The following GLIS3 variants were observed in gnomAD, a reference collection of about 807,000 sequenced individuals.
GLIS3 encodes the protein zinc finger protein GLIS3.
Under a neutral mutation model 78.6 loss-of-function variants are expected in GLIS3, and 53 were observed. That is an observed-to-expected ratio of 0.67 (90% CI 0.54 to 0.85). The LOEUF (loss-of-function observed/expected upper bound fraction) is 0.85. Among genes scored for constraint, GLIS3 ranks in the 40% least tolerant of loss-of-function variants. The pLI is 0.00. For missense variants in GLIS3, 1,703 were observed against 1,231.1 expected, an observed-to-expected ratio of 1.38 and a Z score of -5.74; for synonymous variants, 684 against 509.9, an observed-to-expected ratio of 1.34 and a Z score of -4.60.
At chr9:4,421,018 T>G in the GLIS3 span, among the ~76,000 whole-genome samples, 1 of 152,244 alleles carries the variant, frequency 6.6e-6, no homozygotes, top group African/African-American at 2.4e-5. Flanking sequence ...GCACGTTCGC[T>G]TCTGCACTGC....
intron 8 of GLIS3, among the ~76,000 whole-genome samples, chr9:3,867,016 C>T (rs184470865): frequency 6.6e-6 from 1 of 152,142 alleles, no homozygotes; most frequent in East Asian, 1.9e-4. Context: ...GAAGATAGAG[C>T]CAACAGGACC....
intron 2 of GLIS3, among the ~76,000 whole-genome samples, chr9:4,126,777 C>T (rs920895770): frequency 6.6e-6 from 1 of 152,176 alleles, no homozygotes; most frequent in African/African-American, 2.4e-5. Flanking sequence ...TGCACTTTTT[C>T]AAACTTTTTT....
intron 2 of GLIS3, among the ~76,000 whole-genome samples, chr9:4,206,176 T>C (rs1261913823): frequency 6.6e-6 from 1 of 152,166 alleles, no homozygotes; most frequent in Non-Finnish European, 1.5e-5. Flanking sequence ...CAGAACTATC[T>C]GGAAAGGGAA....
chr9:4,267,944 C>CGTGTGTGTGTGTGT (rs757545130), intron 2 of GLIS3, among the ~76,000 whole-genome samples: 6 of 150,008 alleles, frequency 4.0e-5, no homozygotes, highest in Admixed American at 2.7e-4. Context: ...TATAAAAATA[C>CGTGTGTGTGTGTGT]CTGTGTGTGT....
intron 9 of GLIS3, among the ~76,000 whole-genome samples, chr9:3,843,002 T>C (rs917707856): frequency 2.0e-5 from 3 of 152,194 alleles, no homozygotes; most frequent in African/African-American, 7.2e-5. Context: ...TCAGTAGATA[T>C]GGATCCAGAT....
chr9:4,146,095 T>A (rs1371042636), intron 2 of GLIS3, among the ~76,000 whole-genome samples: 1 of 152,206 alleles, frequency 6.6e-6, no homozygotes, highest in Non-Finnish European at 1.5e-5. Flanking sequence ...TACTTTTTAA[T>A]TATTGACCTG....
At chr9:4,134,830 T>C (rs927169821) in intron 2 of GLIS3, among the ~76,000 whole-genome samples, 2 of 152,166 alleles carry the variant, frequency 1.3e-5, no homozygotes, top group African/African-American at 4.8e-5. Context: ...GAAACCTTCT[T>C]GTTTTCCTTT....
At chr9:4,158,397 G>T (rs1835202960) in intron 2 of GLIS3, among the ~76,000 whole-genome samples, 2 of 152,202 alleles carry the variant, frequency 1.3e-5, no homozygotes, top group Non-Finnish European at 2.9e-5. Context: ...TATCTGGGCT[G>T]TTCACTGAAT....
At chr9:3,850,324 A>G (rs1264031891) in intron 9 of GLIS3, among the ~76,000 whole-genome samples, 3 of 152,202 alleles carry the variant, frequency 2.0e-5, no homozygotes, top group Non-Finnish European at 4.4e-5. Flanking sequence ...GCCCCCTGGG[A>G]CTGTGCTCAT....
chr9:4,268,846 T>C (rs1826245453), intron 2 of GLIS3, among the ~76,000 whole-genome samples: 1 of 152,206 alleles, frequency 6.6e-6, no homozygotes, highest in African/African-American at 2.4e-5. Flanking sequence ...CTCTAGGTTC[T>C]GGTATCTCCC....
chr9:3,828,663 G>T lies in GLIS3; in HGVS notation c.2657-255C>A, dbSNP rs117723392. 6.1e-4 allele frequency among the ~76,000 whole-genome samples: 93 copies of T among 152,350 alleles called. No homozygotes were observed. In the East Asian group the frequency reaches 0.013, roughly 21 times the overall value. On this transcript the variant is annotated intron_variant, in intron 10 of 10. Coordinates refer to ENST00000381971, the MANE Select transcript of GLIS3 (RefSeq NM_001042413.2). ...AGTAAAAGAAAAGTGTTCTAGGGAA[G>T]GCTGGGGGTGGCCTCAAAAAGGAGC...
chr9:4,269,708 T>C (rs1437771069), intron 2 of GLIS3, among the ~76,000 whole-genome samples: 1 of 152,204 alleles, frequency 6.6e-6, no homozygotes, highest in South Asian at 2.1e-4. Context: ...GTTAGGAAAT[T>C]ATATTGATTT....
chr9:4,249,832 G>C (rs534229231), intron 2 of GLIS3, among the ~76,000 whole-genome samples: 1 of 152,118 alleles, frequency 6.6e-6, no homozygotes, highest in Non-Finnish European at 1.5e-5. Context: ...GCATGAAGCT[G>C]TGTTGAATTT....
chr9:4,427,367 A>C, the GLIS3 span, among the ~76,000 whole-genome samples: 2 of 152,152 alleles, frequency 1.3e-5, no homozygotes, highest in Non-Finnish European at 2.9e-5. Context: ...GATGCCAGAC[A>C]CTGTGGTAAG....
chr9:4,011,994 G>C (rs1822054353), intron 4 of GLIS3, among the ~76,000 whole-genome samples: 1 of 152,134 alleles, frequency 6.6e-6, no homozygotes, highest in Non-Finnish European at 1.5e-5. Flanking sequence ...GGAGGTATTA[G>C]AGGCACTGAG....
At chr9:4,439,932 C>G in the GLIS3 span, among the ~76,000 whole-genome samples, 1 of 152,210 alleles carries the variant, frequency 6.6e-6, no homozygotes, top group Admixed American at 6.5e-5. Flanking sequence ...ATCTGCCTAC[C>G]TCAGCCTTTC....
intron 4 of GLIS3, chr9:4,035,869 CTCCCG>C (rs963542411): frequency 6.6e-6 from 1 of 152,320 alleles, no homozygotes; most frequent in African/African-American, 2.4e-5. Flanking sequence ...GACTGGAATG[CTCCCG>C]TCTTCACTCT....
intron 2 of GLIS3, among the ~76,000 whole-genome samples, chr9:4,133,825 T>TACAC (rs138728219): frequency 0.05 from 6,138 of 121,574 alleles, 212 homozygotes; most frequent in Middle Eastern, 0.074. Flanking sequence ...CAAGACCTTC[T>TACAC]ACACACACAC....
intron 2 of GLIS3, among the ~76,000 whole-genome samples, chr9:4,157,164 G>C (rs144429289): frequency 0.011 from 1,707 of 152,286 alleles, 12 homozygotes; most frequent in Non-Finnish European, 0.017. Context: ...TTTGTTATGA[G>C]CTAGGCTCTG....
Sources: allele counts gnomAD v4.1 joint callset (sites outside exome capture counted in the v4.1 genomes callset), GRCh38; gene constraint gnomAD v4.1.1; transcripts MANE v1.5; gene names NCBI Gene and HGNC (gene_info 2026-07-23, HGNC 2026-07-21).